Variants in CDH10 observed in about 807,000 individuals in gnomAD.
The protein encoded by CDH10 is cadherin-10.
In CDH10, 30 loss-of-function variants were observed where a neutral mutation model predicts 73.1. That is an observed-to-expected ratio of 0.41 (90% CI 0.31 to 0.56). The LOEUF (loss-of-function observed/expected upper bound fraction) is 0.56, where lower values mean the gene tolerates loss of function less well. CDH10 is among the 20% of genes least tolerant of loss of function. The pLI is 0.27. For missense variants in CDH10, 815 were observed against 973.7 expected (o/e 0.84, Z 2.17); for synonymous variants, 345 against 348.2 (o/e 0.99, Z 0.10).
At chr5:24,622,718 A>G (rs1478457872) in intron 1 of CDH10, among the ~76,000 whole-genome samples, 2 of 152,158 alleles carry the variant, frequency 1.3e-5, no homozygotes, top group Non-Finnish European at 2.9e-5. Context: ...GAGGCTCTCA[A>G]TATTCAAGAG....
At position 24,545,812 on chromosome 5, in the gene CDH10, T is replaced by C. The variant is rs558735782; in HGVS notation, c.232-8138A>G. Among the ~76,000 whole-genome samples the C allele has an allele frequency of 1.7e-4, 26 of 150,344 alleles. No individual in the cohort carries two copies. The South Asian group carries it at 4.4e-3, about 26-fold the overall frequency. On this transcript the variant is annotated intron_variant, in intron 2 of 11. Coordinates refer to ENST00000264463, the MANE Select transcript of CDH10 (RefSeq NM_006727.5). ...CTGGGAGACAGAGTAGAACTCTGTC[T>C]TCAAAGAAAATAAAAAAAGGAAATA...
chr5:24,495,662 C>T (rs934064459), intron 9 of CDH10, among the ~76,000 whole-genome samples: 1 of 151,946 alleles, frequency 6.6e-6, no homozygotes, highest in Non-Finnish European at 1.5e-5. Flanking sequence ...TCCTGGCCAA[C>T]ATGGTGAAAC....
intron 8 of CDH10, among the ~76,000 whole-genome samples, chr5:24,504,357 C>T (rs1034721010): frequency 4.6e-5 from 7 of 151,924 alleles, no homozygotes; most frequent in African/African-American, 1.4e-4. Flanking sequence ...CATTTATGCT[C>T]TCCATATACA....
rs571749315 is a variant in CDH10 at position 24,639,738 on chromosome 5, C to T, written c.-124+4856G>A. Among the ~76,000 whole-genome samples, 8 of 151,804 alleles carry T rather than the reference C, an allele frequency of 5.3e-5. No homozygotes were observed. In the East Asian group the frequency reaches 1.5e-3, roughly 29 times the overall value. On this transcript the variant is annotated intron_variant, in intron 1 of 11. Coordinates refer to ENST00000264463, the MANE Select transcript of CDH10 (RefSeq NM_006727.5). Reference sequence around the variant, plus strand: ...AATCAACATGTCTAATGAAACATTGCTTTCTAGAAACATGTAATTTATGTT... The same window carrying T: ...AATCAACATGTCTAATGAAACATTGTTTTCTAGAAACATGTAATTTATGTT...
intron 1 of CDH10, chr5:24,612,592 A>T (rs536081707): frequency 3.9e-5 from 6 of 151,960 alleles, no homozygotes; most frequent in African/African-American, 1.2e-4. Flanking sequence ...AATGGTACAC[A>T]TTAATGCTTT....
At chr5:24,500,745 TA>T (rs1225318835) in intron 8 of CDH10, among the ~76,000 whole-genome samples, 1 of 152,240 alleles carries the variant, frequency 6.6e-6, no homozygotes, top group East Asian at 1.9e-4. Context: ...GCGTTGACTA[TA>T]ATCATTACCA....
intron 2 of CDH10, among the ~76,000 whole-genome samples, chr5:24,589,372 A>C (rs558088535): frequency 6.6e-6 from 1 of 152,296 alleles, no homozygotes; most frequent in African/African-American, 2.4e-5. Flanking sequence ...AAGTATTGAC[A>C]GCATATTTAG....
At chr5:24,616,801 G>T (rs1274504852) in intron 1 of CDH10, among the ~76,000 whole-genome samples, 1 of 152,204 alleles carries the variant, frequency 6.6e-6, no homozygotes. Flanking sequence ...TGTCAGCTAA[G>T]TTCACTCTGT....
At chr5:24,561,981 A>G (rs1014664242) in intron 2 of CDH10, among the ~76,000 whole-genome samples, 4 of 146,110 alleles carry the variant, frequency 2.7e-5, no homozygotes, top group African/African-American at 1.0e-4. Context: ...GTCAAATTTG[A>G]TTGGAGTCTT....
chr5:24,609,982 G>A (rs957317200), intron 1 of CDH10: 20 of 152,204 alleles, frequency 1.3e-4, no homozygotes, highest in Admixed American at 1.3e-4. Flanking sequence ...GCCAAGGTAC[G>A]GAGTAGAAGA....
At chr5:24,489,154 A>AT (rs1187159948) in intron 11 of CDH10, among the ~76,000 whole-genome samples, 5 of 152,064 alleles carry the variant, frequency 3.3e-5, no homozygotes, top group Admixed American at 1.3e-4. Flanking sequence ...CTGGATATAT[A>AT]TATATGAAGA....
chr5:24,503,333 T>A (rs982579629), intron 8 of CDH10, among the ~76,000 whole-genome samples: 2 of 152,116 alleles, frequency 1.3e-5, no homozygotes, highest in African/African-American at 4.8e-5. Flanking sequence ...AGGTCAAGAG[T>A]TGCTCTACAC....
intron 2 of CDH10, among the ~76,000 whole-genome samples, chr5:24,542,180 A>G (rs996723798): frequency 1.3e-5 from 2 of 152,150 alleles, no homozygotes; most frequent in African/African-American, 2.4e-5. Context: ...AGACCATTTT[A>G]AAAAATTATT....
intron 5 of CDH10, among the ~76,000 whole-genome samples, chr5:24,522,316 T>A (rs1355694096): frequency 1.3e-5 from 2 of 152,158 alleles, no homozygotes; most frequent in Non-Finnish European, 2.9e-5. Flanking sequence ...GAATGCTCAC[T>A]TTAACCACCA....
chr5:24,623,300 G>C (rs1747378920), intron 1 of CDH10, among the ~76,000 whole-genome samples: 1 of 152,146 alleles, frequency 6.6e-6, no homozygotes, highest in South Asian at 2.1e-4. Context: ...ACGACCACTT[G>C]AGCAGGAAAG....
At chr5:24,512,632 A>G (rs1421924979) in intron 5 of CDH10, among the ~76,000 whole-genome samples, 1 of 152,174 alleles carries the variant, frequency 6.6e-6, no homozygotes, top group Non-Finnish European at 1.5e-5. Flanking sequence ...CCTTCATTCC[A>G]GAGAAACACA....
chr5:24,505,066 C>T (rs2111724558), intron 8 of CDH10, 46 bp downstream of exon 8: 1 of 1,292,694 alleles, frequency 7.7e-7, no homozygotes, highest in Non-Finnish European at 1.1e-6. Flanking sequence ...AATATATAAA[C>T]ATAAACATAT....
At chr5:24,521,127 A>G (rs944225179) in intron 5 of CDH10, among the ~76,000 whole-genome samples, 2 of 152,092 alleles carry the variant, frequency 1.3e-5, no homozygotes, top group Non-Finnish European at 2.9e-5. Context: ...AGCAACAAAA[A>G]CTCAAACTCA....
At chr5:24,585,414 T>A (rs748762253) in intron 2 of CDH10, among the ~76,000 whole-genome samples, 2 of 152,100 alleles carry the variant, frequency 1.3e-5, no homozygotes, top group Non-Finnish European at 2.9e-5. Flanking sequence ...ACAAACATAC[T>A]TTTTCTTTAA....
Sources: allele counts gnomAD v4.1 joint callset (sites outside exome capture counted in the v4.1 genomes callset), GRCh38; gene constraint gnomAD v4.1.1; transcripts MANE v1.5; gene names NCBI Gene and HGNC (gene_info 2026-07-23, HGNC 2026-07-21).